The following RABGAP1L variants were observed in gnomAD, a reference collection of about 807,000 sequenced individuals.
RABGAP1L encodes the protein rab GTPase-activating protein 1-like.
A neutral mutation model predicts 137.7 loss-of-function variants in RABGAP1L; 63 were observed. The ratio of observed to expected loss-of-function variants is 0.46; its 90% CI spans 0.37 to 0.56. RABGAP1L has a LOEUF of 0.56. RABGAP1L is among the 20% of genes least tolerant of loss of function. RABGAP1L has a pLI of 0.00. For missense variants in RABGAP1L, 1,095 were observed against 1,244.0 expected (o/e 0.88, Z 1.80); for synonymous variants, 431 against 433.7 (o/e 0.99, Z 0.08).
intron 13 of RABGAP1L, among the ~76,000 whole-genome samples, chr1:174,463,004 A>G (rs980044674): frequency 6.6e-6 from 1 of 152,218 alleles, no homozygotes; most frequent in African/African-American, 2.4e-5. Context: ...TTAAAAAGTC[A>G]GGAAACAATA....
intron 7 of RABGAP1L, among the ~76,000 whole-genome samples, chr1:174,259,284 G>A (rs1000091389): frequency 3.9e-5 from 6 of 152,028 alleles, no homozygotes; most frequent in Non-Finnish European, 8.8e-5. Flanking sequence ...GGAATACAGA[G>A]CTTTATACTT....
chr1:174,778,124 G>T (rs1686677182), intron 18 of RABGAP1L, among the ~76,000 whole-genome samples: 1 of 152,110 alleles, frequency 6.6e-6, no homozygotes, highest in Non-Finnish European at 1.5e-5. Flanking sequence ...TGATGAAATT[G>T]CTCAAAACCA....
intron 10 of RABGAP1L, among the ~76,000 whole-genome samples, chr1:174,293,281 A>G (rs1482092979): frequency 6.6e-6 from 1 of 152,190 alleles, no homozygotes; most frequent in Non-Finnish European, 1.5e-5. Flanking sequence ...CATTGGAAAC[A>G]TTGACAGTGT....
chr1:174,730,198 G>A (rs966289836), intron 17 of RABGAP1L, among the ~76,000 whole-genome samples: 9 of 152,220 alleles, frequency 5.9e-5, no homozygotes, highest in African/African-American at 2.2e-4. Context: ...GAATTAATAC[G>A]AGAACAGAAA....
At chr1:174,241,365 T>A in intron 4 of RABGAP1L, 118 bp from the exon 5 acceptor site, 1 of 623,922 alleles carries the variant, frequency 1.6e-6, no homozygotes, top group Non-Finnish European at 2.6e-6. Flanking sequence ...TTATATATCA[T>A]ATATTGTCAT....
chr1:174,724,655 C>T (rs1681842467), intron 17 of RABGAP1L, among the ~76,000 whole-genome samples: 1 of 152,082 alleles, frequency 6.6e-6, no homozygotes, highest in Admixed American at 6.5e-5. Context: ...CTGAAATAGT[C>T]CTAACATAAC....
intron 19 of RABGAP1L, among the ~76,000 whole-genome samples, chr1:174,919,014 T>G (rs1390881484): frequency 7.4e-6 from 1 of 134,970 alleles, no homozygotes; most frequent in Non-Finnish European, 1.5e-5. Context: ...GACCTTGTCT[T>G]TTTTCTTTTT....
At chr1:174,877,320 A>G in intron 19 of RABGAP1L, 4 of 1,303,942 alleles carry the variant, frequency 3.1e-6, no homozygotes, top group Non-Finnish European at 4.2e-6. Context: ...CAAGCCTGTG[A>G]TAGCAGCCGC....
At chr1:174,337,296 G>T (rs931767258) in intron 11 of RABGAP1L, among the ~76,000 whole-genome samples, 1 of 152,056 alleles carries the variant, frequency 6.6e-6, no homozygotes, top group Non-Finnish European at 1.5e-5. Context: ...TAGAACCCAC[G>T]GTAGCTTGCA....
chr1:174,610,206 TC>T (rs1168902681), intron 13 of RABGAP1L, among the ~76,000 whole-genome samples: 1 of 93,804 alleles, frequency 1.1e-5, no homozygotes, highest in East Asian at 3.6e-4. Context: ...CCCTTCCCCC[TC>T]CCCCCACCCC....
At chr1:174,370,508 C>CT (rs1685029883) in intron 11 of RABGAP1L, among the ~76,000 whole-genome samples, 3 of 61,864 alleles carry the variant, frequency 4.8e-5, no homozygotes, top group Admixed American at 1.6e-4. Context: ...CTTAAGAAAC[C>CT]TAACTTTTTT....
intron 13 of RABGAP1L, among the ~76,000 whole-genome samples, chr1:174,474,683 A>ACCT (rs1658307892): frequency 3.3e-5 from 5 of 151,876 alleles, no homozygotes; most frequent in Admixed American, 3.3e-4. Flanking sequence ...GCTCACTGCA[A>ACCT]CCTCCTCCTC....
intron 13 of RABGAP1L, among the ~76,000 whole-genome samples, chr1:174,628,130 T>C (rs1339180604): frequency 1.3e-5 from 2 of 152,096 alleles, no homozygotes; most frequent in East Asian, 1.9e-4. Flanking sequence ...GGGGCCAGAG[T>C]GTGTATTAGT....
intron 19 of RABGAP1L, chr1:174,875,430 A>G: frequency 1.5e-6 from 1 of 655,830 alleles, no homozygotes; most frequent in Non-Finnish European, 1.9e-6. Flanking sequence ...TGCGGTTATA[A>G]CTCTTGTTTG....
intron 19 of RABGAP1L, among the ~76,000 whole-genome samples, chr1:174,863,286 C>T (rs896534499): frequency 2.8e-4 from 40 of 145,172 alleles, no homozygotes; most frequent in African/African-American, 1.0e-3. Context: ...CTTTTTTCTC[C>T]CTTCAACCTC....
At chr1:174,824,377 C>T (rs1485281573) in intron 19 of RABGAP1L, among the ~76,000 whole-genome samples, 1 of 151,968 alleles carries the variant, frequency 6.6e-6, no homozygotes, top group African/African-American at 2.4e-5. Context: ...CGCCTATAGT[C>T]CCAGCTACTT....
rs552332965 is a variant in RABGAP1L, at chr1:174,753,536, C to T, written c.2211+1182C>T. Among the ~76,000 whole-genome samples, 28 of 152,078 alleles carry T rather than the reference C, an allele frequency of 1.8e-4. 1 individual carries two copies. In the East Asian group the frequency reaches 4.6e-3, roughly 25 times the overall value. On this transcript the variant is annotated intron_variant, in intron 18 of 25. Coordinates refer to ENST00000681986, the MANE Select transcript of RABGAP1L (RefSeq NM_001366446.1). The stretch of plus-strand genomic sequence containing the variant: ...TAAGATACACTTTTTAAAATTAAAT[C>T]GATTGTGTTTATATATTTTTTATGC...
intron 13 of RABGAP1L, among the ~76,000 whole-genome samples, chr1:174,531,597 G>GCCAGCTGCC (rs1219509634): frequency 6.6e-6 from 1 of 152,138 alleles, no homozygotes; most frequent in Non-Finnish European, 1.5e-5. Context: ...GCCAGGGGCA[G>GCCAGCTGCC]CTGGTTGCAT....
intron 1 of RABGAP1L, among the ~76,000 whole-genome samples, chr1:174,203,388 G>T (rs1668274645): frequency 6.6e-6 from 1 of 152,062 alleles, no homozygotes; most frequent in African/African-American, 2.4e-5. Flanking sequence ...CATTGTTTTT[G>T]TCAGCTTTGT....
Sources: allele counts gnomAD v4.1 joint callset (sites outside exome capture counted in the v4.1 genomes callset), GRCh38; gene constraint gnomAD v4.1.1; transcripts MANE v1.5; gene names NCBI Gene and HGNC (gene_info 2026-07-23, HGNC 2026-07-21).